The following SPAST variants were observed in gnomAD, a reference collection of about 807,000 sequenced individuals.
SPAST encodes spastin.
In SPAST, 30 loss-of-function variants were observed where a neutral mutation model predicts 76.6. That is an observed-to-expected ratio of 0.39 (90% CI 0.29 to 0.53). The LOEUF is 0.53. Ranked by LOEUF, SPAST falls within the 20% of genes least tolerant of loss-of-function variation. The pLI, the probability that SPAST is intolerant of heterozygous loss-of-function variation, is 0.68. For synonymous variants in SPAST, 305 were observed against 281.0 expected (o/e 1.09, Z -0.86); for missense variants, 717 against 770.5 (o/e 0.93, Z 0.82).
At chr2:32,103,502 C>T (rs781069645) in intron 4 of SPAST, among the ~76,000 whole-genome samples, 2 of 152,142 alleles carry the variant, frequency 1.3e-5, no homozygotes, top group Non-Finnish European at 2.9e-5. Flanking sequence ...TTCTTGCCTT[C>T]TGCTAGCTTT....
At chr2:32,136,004 G>A (rs1679523494) in intron 9 of SPAST, among the ~76,000 whole-genome samples, 1 of 151,488 alleles carries the variant, frequency 6.6e-6, no homozygotes, top group Non-Finnish European at 1.5e-5. Context: ...CTTGAACCCA[G>A]GAGGCAAAAG....
At chr2:32,148,810 C>G (rs1254002315) in intron 16 of SPAST, among the ~76,000 whole-genome samples, 20 of 120,654 alleles carry the variant, frequency 1.7e-4, no homozygotes, top group Non-Finnish European at 3.1e-4. Flanking sequence ...GACTCCATCT[C>G]AAAAAAAAAA....
At chr2:32,095,230 G>A (rs997617643) in intron 3 of SPAST, among the ~76,000 whole-genome samples, 2 of 152,124 alleles carry the variant, frequency 1.3e-5, no homozygotes, top group African/African-American at 4.8e-5. Context: ...GGATAAAATG[G>A]TCCTCTCTTT....
intron 4 of SPAST, among the ~76,000 whole-genome samples, chr2:32,107,498 C>A (rs1367643147): frequency 6.6e-6 from 1 of 152,142 alleles, no homozygotes; most frequent in Non-Finnish European, 1.5e-5. Context: ...AGTGATCCAC[C>A]TGCCCTGGCC....
intron 14 of SPAST, among the ~76,000 whole-genome samples, chr2:32,144,233 T>G (rs1447917326): frequency 6.6e-6 from 1 of 152,212 alleles, no homozygotes; most frequent in Non-Finnish European, 1.5e-5. Flanking sequence ...GTCTATCCCC[T>G]TATTTAAAAA....
chr2:32,147,293 C>A, intron 16 of SPAST, 35 bp downstream of exon 16: 5 of 1,221,186 alleles, frequency 4.1e-6, no homozygotes, highest in African/African-American at 1.7e-5. Flanking sequence ...TCTTTGTCTT[C>A]TATATTGTAA....
intron 3 of SPAST, among the ~76,000 whole-genome samples, chr2:32,096,288 A>T (rs1677911253): frequency 6.6e-6 from 1 of 152,204 alleles, no homozygotes; most frequent in South Asian, 2.1e-4. Context: ...TACAAAAATT[A>T]GCTGGGCATG....
chr2:32,089,526 A>T lies in SPAST; in HGVS notation c.507A>T (p.Glu169Asp). ...TAATTAATTTTTTTCTTTCAGGTGA[A>T]CAGTGTGAAAGAGCTAGACGCCTTC... ...GIAVIVTGQG[E>D]QCERARRLQA... The change falls in exon 3 of 17, where the codon GAA becomes GAT. Residue 169 changes from glutamate (E) to aspartate (D), a missense_variant. Transcript: ENST00000315285. The T allele has an allele frequency of 6.4e-7, 1 of 1,570,766 alleles. No homozygotes were observed.
At chr2:32,101,596 TTA>T (rs1156364149) in intron 4 of SPAST, among the ~76,000 whole-genome samples, 1 of 152,238 alleles carries the variant, frequency 6.6e-6, no homozygotes, top group Non-Finnish European at 1.5e-5. Context: ...TCTAGGGTTT[TTA>T]TAGTTTTAGA....
chr2:32,083,657 A>G (rs1573061263), intron 1 of SPAST, among the ~76,000 whole-genome samples: 1 of 344 alleles, frequency 2.9e-3, no homozygotes, highest in South Asian at 0.062. Context: ...TCTGCCTACT[A>G]TATATATATA....
intron 7 of SPAST, among the ~76,000 whole-genome samples, chr2:32,121,602 G>A (rs1312686639): frequency 3.6e-5 from 5 of 137,070 alleles, no homozygotes; most frequent in Admixed American, 3.2e-4. Context: ...GTGCAGTGGT[G>A]CGATCTCAGC....
intron 7 of SPAST, among the ~76,000 whole-genome samples, chr2:32,118,805 A>T (rs1355196320): frequency 6.6e-6 from 1 of 152,228 alleles, no homozygotes; most frequent in Non-Finnish European, 1.5e-5. Flanking sequence ...TTACGGTAGA[A>T]AAATATATCT....
At chr2:32,108,867 C>T (rs1678426454) in intron 4 of SPAST, among the ~76,000 whole-genome samples, 1 of 135,702 alleles carries the variant, frequency 7.4e-6, no homozygotes, top group African/African-American at 2.7e-5. Context: ...CCGGGTTCAA[C>T]CCATTCTCCT....
At chr2:32,107,626 T>A (rs1437200686) in intron 4 of SPAST, among the ~76,000 whole-genome samples, 1 of 152,208 alleles carries the variant, frequency 6.6e-6, no homozygotes, top group Non-Finnish European at 1.5e-5. Flanking sequence ...TTTGGATTTT[T>A]GGGTTAAGGA....
In SPAST at chr2:32,141,919, G is replaced by A. The variant is rs1679732749; in HGVS notation, c.1509G>A (p.Arg503=). ...DEAVLRRFIK[R]VYVSLPNEET... ...TTTTTTTTAGGCGTTTCATCAAACG[G>A]GTATATGTGTCTTTACCAAATGAGG... Residue 503 remains arginine, a synonymous_variant, in exon 13 of 17, where the codon CGG becomes CGA. Transcript: ENST00000315285. The A allele has an allele frequency of 6.2e-7, 1 of 1,612,100 alleles. No individual in the cohort carries two copies.
At chr2:32,147,185 T>G (rs376722371) in intron 15 of SPAST, 33 bp from the exon 16 acceptor site, 1 of 1,550,182 alleles carries the variant, frequency 6.5e-7, no homozygotes. Context: ...AAAATGTATG[T>G]ATTTTTAAGT....
At chr2:32,128,049 C>T (rs1206286150) in intron 8 of SPAST, 2 of 274,812 alleles carry the variant, frequency 7.3e-6, no homozygotes, top group Non-Finnish European at 1.4e-5. Context: ...AGCTGGAGTG[C>T]AGTGATGTGA....
At chr2:32,071,848 T>C (rs556556592) in intron 1 of SPAST, among the ~76,000 whole-genome samples, 1 of 152,288 alleles carries the variant, frequency 6.6e-6, no homozygotes, top group East Asian at 1.9e-4. Context: ...GAGAATACAT[T>C]GTAAATGTTT....
chr2:32,066,862 T>C (rs1216050332), intron 1 of SPAST, among the ~76,000 whole-genome samples: 1 of 150,940 alleles, frequency 6.6e-6, no homozygotes, highest in Non-Finnish European at 1.5e-5. Flanking sequence ...TAGTCCCAGC[T>C]ACTTGGGGGG....
Sources: gnomAD v4.1 joint callset for allele counts (sites outside exome capture counted in the v4.1 genomes callset) on GRCh38, gnomAD v4.1.1 for gene constraint, MANE v1.5 for transcripts, NCBI Gene and HGNC (gene_info 2026-07-23, HGNC 2026-07-21) for gene names.